Variants in GPR89A observed in about 807,000 individuals in gnomAD.
The protein encoded by GPR89A is golgi pH regulator A, also known as G protein-coupled receptor 89A.
Under a neutral mutation model 52.0 loss-of-function variants are expected in GPR89A, and 16 were observed. That is an observed-to-expected ratio of 0.31 (90% CI 0.21 to 0.47). The LOEUF (loss-of-function observed/expected upper bound fraction) is 0.47, where lower values mean the gene tolerates loss of function less well. Among genes scored for constraint, GPR89A ranks in the 20% least tolerant of loss-of-function variants. The pLI, the probability that GPR89A is intolerant of heterozygous loss-of-function variation, is 1.00. For missense variants in GPR89A, 135 were observed against 449.4 expected (o/e 0.30, Z 6.33); for synonymous variants, 55 against 150.9 (o/e 0.36, Z 4.66).
At chr1:145,640,823 T>TA (rs1162093870) in intron 7 of GPR89A, among the ~76,000 whole-genome samples, 69 of 147,734 alleles carry the variant, frequency 4.7e-4, no homozygotes, top group African/African-American at 1.4e-3. Flanking sequence ...AGCTTACATT[T>TA]AAAAAAAATG....
chr1:145,617,570 A>G (rs587636402), intron 2 of GPR89A, among the ~76,000 whole-genome samples: 55 of 152,284 alleles, frequency 3.6e-4, no homozygotes, highest in African/African-American at 1.2e-3. Context: ...TTCACAATTT[A>G]TGTTCAGAGA....
At chr1:145,660,088 A>G (rs1208005854) in intron 10 of GPR89A, among the ~76,000 whole-genome samples, 3 of 152,082 alleles carry the variant, frequency 2.0e-5, no homozygotes, top group South Asian at 2.1e-4. Flanking sequence ...TTATTGGTGT[A>G]TAAGAATGCT....
chr1:145,660,147 G>C (rs1162962601), intron 10 of GPR89A, among the ~76,000 whole-genome samples: 1 of 151,978 alleles, frequency 6.6e-6, no homozygotes, highest in Non-Finnish European at 1.5e-5. Context: ...AAATCACGCC[G>C]CATATCTACA....
intron 1 of GPR89A, 177 bp downstream of exon 1, chr1:145,608,352 G>T (rs756900703): frequency 1.8e-6 from 2 of 1,120,714 alleles, no homozygotes. Context: ...CCTCAGCCCC[G>T]GCTGTCAGGA....
chr1:145,657,893 T>C (rs2101829944), intron 10 of GPR89A, among the ~76,000 whole-genome samples: 1 of 151,014 alleles, frequency 6.6e-6, no homozygotes, highest in African/African-American at 2.4e-5. Flanking sequence ...AATATACTCA[T>C]TTAGTGTATG....
At chr1:145,636,333 A>AT (rs1650238036) in intron 7 of GPR89A, among the ~76,000 whole-genome samples, 34 of 106 alleles carry the variant, frequency 0.32, no homozygotes, top group African/African-American at 0.42. Context: ...TACAAAATAA[A>AT]ATTTTTTTAA....
At chr1:145,628,682 T>TCATA (rs1253791732) in intron 5 of GPR89A, among the ~76,000 whole-genome samples, 2 of 152,020 alleles carry the variant, frequency 1.3e-5, no homozygotes, top group Non-Finnish European at 2.9e-5. Flanking sequence ...CAGTGCCTAG[T>TCATA]CATAGCAGGT....
At chr1:145,667,132 C>G (rs587654770) in intron 12 of GPR89A, among the ~76,000 whole-genome samples, 2 of 152,274 alleles carry the variant, frequency 1.3e-5, no homozygotes, top group South Asian at 2.1e-4. Context: ...AATGTTATTT[C>G]TAGTTGTAGA....
Position 145,608,044 on chromosome 1 carries a change from A to G in GPR89A, c.-90A>G, listed in dbSNP as rs1433763146. 1 of 1,511,162 alleles carries G rather than the reference A, an allele frequency of 6.6e-7. No individual in the cohort carries two copies. The highest frequency in any genetic ancestry group is 9.1e-7 in the Non-Finnish European group (1 of 1,094,956). 93.6% of individuals were successfully genotyped at this position (1,511,162 alleles called of 1,614,324 possible). A position where few individuals can be genotyped will look rare whatever the true frequency, so the allele number is the denominator to read the frequency against. ...AGTCCCGGCTGCAGCACCTGGGAGAAGGCAGACCGTGTGAGGGGGCCTGTG... is the reference window on the plus strand; with the variant it reads ...AGTCCCGGCTGCAGCACCTGGGAGAGGGCAGACCGTGTGAGGGGGCCTGTG... On this transcript the variant is annotated 5_prime_UTR_variant, in exon 1 of 14. Transcript: ENST00000313835.
chr1:145,639,762 A>G (rs1650508445), intron 7 of GPR89A, among the ~76,000 whole-genome samples: 1 of 135,012 alleles, frequency 7.4e-6, no homozygotes, highest in Admixed American at 7.4e-5. Context: ...AAAAAAAAAG[A>G]AAAGAAAAGA....
At chr1:145,617,236 A>G (rs1648770231) in intron 2 of GPR89A, among the ~76,000 whole-genome samples, 1 of 152,188 alleles carries the variant, frequency 6.6e-6, no homozygotes, top group South Asian at 2.1e-4. Flanking sequence ...AGAATTCAGC[A>G]GTATTTCTCC....
intron 5 of GPR89A, among the ~76,000 whole-genome samples, chr1:145,629,828 G>GGCCAGTA (rs1382820612): frequency 2.4e-4 from 37 of 152,082 alleles, no homozygotes; most frequent in African/African-American, 8.2e-4. Flanking sequence ...TAGGAATGGA[G>GGCCAGTA]GCCAGTAGTC....
chr1:145,661,668 G>A (rs1652211806), intron 10 of GPR89A, among the ~76,000 whole-genome samples: 1 of 148,686 alleles, frequency 6.7e-6, no homozygotes, highest in African/African-American at 2.5e-5. Flanking sequence ...ATTGATTTCT[G>A]CTCTGGTCTT....
intron 9 of GPR89A, chr1:145,646,879 T>C (rs1651030755): frequency 5.5e-6 from 2 of 366,192 alleles, no homozygotes; most frequent in Middle Eastern, 8.5e-4. Context: ...GAGCAAGTTA[T>C]CGAACCTCTC....
At chr1:145,632,260 A>G (rs1649929075) in intron 7 of GPR89A, among the ~76,000 whole-genome samples, 1 of 152,124 alleles carries the variant, frequency 6.6e-6, no homozygotes, top group Non-Finnish European at 1.5e-5. Context: ...AACATTTGAA[A>G]TTTACTCTCA....
At chr1:145,632,129 A>AT (rs1441275237) in intron 7 of GPR89A, among the ~76,000 whole-genome samples, 1 of 151,028 alleles carries the variant, frequency 6.6e-6, no homozygotes, top group Non-Finnish European at 1.5e-5. Flanking sequence ...TTTTTGTTTA[A>AT]TTTTTTAAAT....
chr1:145,620,232 G>T (rs1475758816), intron 3 of GPR89A, among the ~76,000 whole-genome samples: 8 of 152,142 alleles, frequency 5.3e-5, no homozygotes, highest in African/African-American at 1.9e-4. Context: ...TGGACCAGAA[G>T]GTTTCTATCA....
chr1:145,656,352 G>A (rs1553694512), intron 10 of GPR89A, among the ~76,000 whole-genome samples: 4 of 152,108 alleles, frequency 2.6e-5, no homozygotes. Flanking sequence ...AAGAAGCATG[G>A]TTTCCTGGGC....
At chr1:145,643,475 A>G (rs1159803653) in intron 7 of GPR89A, among the ~76,000 whole-genome samples, 1 of 152,014 alleles carries the variant, frequency 6.6e-6, no homozygotes, top group African/African-American at 2.4e-5. Context: ...CAGGTATGTT[A>G]GCTGTTTTAT....
Sources: gnomAD v4.1 joint callset for allele counts (sites outside exome capture counted in the v4.1 genomes callset) on GRCh38, gnomAD v4.1.1 for gene constraint, MANE v1.5 for transcripts, NCBI Gene and HGNC (gene_info 2026-07-23, HGNC 2026-07-21) for gene names.